SAMTOR: variants seen among roughly 807,000 people sequenced by gnomAD.
The protein encoded by SAMTOR is S-adenosylmethionine sensor upstream of mTORC1.
At chr7:112,877,955 C>G in the SAMTOR span, among the ~76,000 whole-genome samples, 29 of 152,238 alleles carry the variant, frequency 1.9e-4, 1 homozygote, top group Admixed American at 1.7e-3. Flanking sequence ...ATATAGCCTG[C>G]AGAACCATAA....
At chr7:112,886,845 A>C in the SAMTOR span, among the ~76,000 whole-genome samples, 13 of 152,200 alleles carry the variant, frequency 8.5e-5, no homozygotes, top group African/African-American at 3.1e-4. Flanking sequence ...ACAGCTTTCC[A>C]ATGGCAATTA....
At chr7:112,882,829 T>A in the SAMTOR span, among the ~76,000 whole-genome samples, 2 of 151,520 alleles carry the variant, frequency 1.3e-5, no homozygotes, top group East Asian at 3.9e-4. Context: ...GTAACATCTT[T>A]TGCTCACTAG....
At chr7:112,874,125 A>T in the SAMTOR span, among the ~76,000 whole-genome samples, 1 of 152,160 alleles carries the variant, frequency 6.6e-6, no homozygotes, top group East Asian at 1.9e-4. Flanking sequence ...AGCCCACATG[A>T]AAAGTGGTTT....
At chr7:112,888,596 G>A in the SAMTOR span, among the ~76,000 whole-genome samples, 1 of 152,080 alleles carries the variant, frequency 6.6e-6, no homozygotes, top group African/African-American at 2.4e-5. Flanking sequence ...GGTGACTCCA[G>A]TAGTAACAAA....
the SAMTOR span, among the ~76,000 whole-genome samples, chr7:112,926,073 G>C: frequency 6.6e-6 from 1 of 152,174 alleles, no homozygotes. Flanking sequence ...TGCACTGCTA[G>C]TCTGCACTTA....
chr7:112,850,590 T>C, the SAMTOR span, among the ~76,000 whole-genome samples: 2 of 152,166 alleles, frequency 1.3e-5, no homozygotes, highest in African/African-American at 4.8e-5. Flanking sequence ...TTAGTTATTG[T>C]TCTGTTGAGG....
At chr7:112,891,673 C>A in the SAMTOR span, among the ~76,000 whole-genome samples, 2 of 152,148 alleles carry the variant, frequency 1.3e-5, no homozygotes, top group Non-Finnish European at 2.9e-5. Context: ...TTTTCCAGTG[C>A]ATATAAGTTA....
the SAMTOR span, among the ~76,000 whole-genome samples, chr7:112,841,878 C>A: frequency 6.6e-6 from 1 of 151,898 alleles, no homozygotes; most frequent in East Asian, 1.9e-4. Flanking sequence ...TAGCCATATG[C>A]GAAGAACTGA....
the SAMTOR span, among the ~76,000 whole-genome samples, chr7:112,894,400 T>C: frequency 6.6e-6 from 1 of 152,128 alleles, no homozygotes; most frequent in Non-Finnish European, 1.5e-5. Flanking sequence ...ATCATAATAA[T>C]GAAAAAGTTT....
At chr7:112,939,857 G>C in the SAMTOR span, 2 of 856,418 alleles carry the variant, frequency 2.3e-6, no homozygotes, top group Non-Finnish European at 3.6e-6. Flanking sequence ...GCCAGAGGAG[G>C]CAGAGGAACC....
the SAMTOR span, among the ~76,000 whole-genome samples, chr7:112,931,995 G>A: frequency 6.6e-6 from 1 of 150,464 alleles, no homozygotes; most frequent in Non-Finnish European, 1.5e-5. Flanking sequence ...GTGCAATCTC[G>A]GCTCACTGCA....
chr7:112,833,776 T>C, the SAMTOR span, among the ~76,000 whole-genome samples: 1 of 152,218 alleles, frequency 6.6e-6, no homozygotes, highest in South Asian at 2.1e-4. Context: ...TGATCAATTG[T>C]CAGCAATATA....
At chr7:112,837,747 T>C in the SAMTOR span, among the ~76,000 whole-genome samples, 2 of 152,084 alleles carry the variant, frequency 1.3e-5, no homozygotes, top group East Asian at 1.9e-4. Flanking sequence ...TGACCATGAA[T>C]GTTGAATTAG....
the SAMTOR span, among the ~76,000 whole-genome samples, chr7:112,912,376 C>T: frequency 6.6e-6 from 1 of 151,944 alleles, no homozygotes; most frequent in Admixed American, 6.6e-5. Context: ...ATTCATATTA[C>T]ATATAAAATT....
chr7:112,935,114 T>C, the SAMTOR span: 1 of 333,208 alleles, frequency 3.0e-6, no homozygotes. Flanking sequence ...AAATATTCTA[T>C]CACAAAAAGC....
chr7:112,921,000 T>C, the SAMTOR span, among the ~76,000 whole-genome samples: 5 of 152,172 alleles, frequency 3.3e-5, no homozygotes, highest in Non-Finnish European at 7.3e-5. Flanking sequence ...AGAATCAATA[T>C]GGTGAAAATG....
the SAMTOR span, chr7:112,832,456 G>T: frequency 1.5e-6 from 1 of 682,208 alleles, no homozygotes. Flanking sequence ...CTCCTCAATG[G>T]GTACACAGGA....
the SAMTOR span, among the ~76,000 whole-genome samples, chr7:112,829,509 T>G: frequency 3.9e-5 from 6 of 152,240 alleles, no homozygotes; most frequent in Admixed American, 3.9e-4. Flanking sequence ...GGTTGGTCAT[T>G]GTTGGCTGAT....
the SAMTOR span, among the ~76,000 whole-genome samples, chr7:112,917,885 G>A: frequency 6.6e-6 from 1 of 152,028 alleles, no homozygotes; most frequent in Non-Finnish European, 1.5e-5. Context: ...AAGCGAGAAG[G>A]GAAGTTTAGA....
Sources: allele counts gnomAD v4.1 joint callset (sites outside exome capture counted in the v4.1 genomes callset), GRCh38; gene constraint gnomAD v4.1.1; transcripts MANE v1.5; gene names NCBI Gene and HGNC (gene_info 2026-07-23, HGNC 2026-07-21).